The following FGF14 variants were observed in gnomAD, a reference collection of about 807,000 sequenced individuals.
The protein encoded by FGF14 is fibroblast growth factor 14.
A neutral mutation model predicts 25.5 loss-of-function variants in FGF14; 5 were observed. The observed-to-expected ratio is 0.20, with a 90% CI of 0.10 to 0.41. The LOEUF is 0.41. Among genes scored for constraint, FGF14 ranks in the 10% least tolerant of loss-of-function variants. The probability of loss-of-function intolerance (pLI) is 1.00; values close to 1 mark genes in which losing one functional copy is unlikely to be tolerated. For synonymous variants in FGF14, 138 were observed against 118.3 expected, an observed-to-expected ratio of 1.17 and a Z score of -1.08; for missense variants, 222 against 320.1, an observed-to-expected ratio of 0.69 and a Z score of 2.34.
chr13:101,968,647 T>C (rs920913962), intron 1 of FGF14, among the ~76,000 whole-genome samples: 13 of 128,744 alleles, frequency 1.0e-4, no homozygotes, highest in Admixed American at 3.1e-4. Context: ...CAATCCAGCC[T>C]GGGCGACAGA....
intron 1 of FGF14, among the ~76,000 whole-genome samples, chr13:101,958,581 A>T (rs1395012736): frequency 5.9e-5 from 9 of 152,236 alleles, no homozygotes; most frequent in Non-Finnish European, 1.3e-4. Flanking sequence ...TAAAGTCAGA[A>T]GGTATTAATT....
intron 3 of FGF14, among the ~76,000 whole-genome samples, chr13:101,816,324 A>C (rs1478287138): frequency 6.6e-6 from 1 of 151,560 alleles, no homozygotes; most frequent in African/African-American, 2.4e-5. Context: ...TATCAGGGTT[A>C]AATGTATTAT....
chr13:102,322,678 A>G (rs1410200012), intron 1 of FGF14, among the ~76,000 whole-genome samples: 1 of 152,184 alleles, frequency 6.6e-6, no homozygotes, highest in Non-Finnish European at 1.5e-5. Flanking sequence ...GGCAAAAACA[A>G]TGTAAAACAC....
intron 1 of FGF14, among the ~76,000 whole-genome samples, chr13:102,352,280 CACACACACA>C (rs1566955784): frequency 2.7e-5 from 4 of 149,062 alleles, no homozygotes; most frequent in African/African-American, 1.0e-4. Context: ...CACACACACA[CACACACACA>C]CCTGCAACAT....
chr13:102,289,908 T>C (rs574684991), intron 1 of FGF14, among the ~76,000 whole-genome samples: 4 of 152,132 alleles, frequency 2.6e-5, no homozygotes, highest in African/African-American at 9.7e-5. Flanking sequence ...CCTCTCTCTC[T>C]CTCTGCCTTT....
chr13:101,773,932 C>T (rs779507823), intron 3 of FGF14, among the ~76,000 whole-genome samples: 27 of 149,694 alleles, frequency 1.8e-4, no homozygotes, highest in Non-Finnish European at 3.3e-4. Context: ...TAGGATTTTG[C>T]GCTGTGCCAA....
At chr13:102,158,438 T>C (rs1388665357) in intron 1 of FGF14, among the ~76,000 whole-genome samples, 13 of 150,142 alleles carry the variant, frequency 8.7e-5, no homozygotes, top group African/African-American at 2.5e-4. Flanking sequence ...CCAAACACCA[T>C]ATGTTCTCAC....
chr13:102,013,432 T>C (rs2040183896), intron 1 of FGF14, among the ~76,000 whole-genome samples: 2 of 152,224 alleles, frequency 1.3e-5, no homozygotes, highest in African/African-American at 2.4e-5. Flanking sequence ...ATTATCTTCT[T>C]GGAAGAAAAC....
Position 102,015,735 on chromosome 13 carries a change from A to G in FGF14, c.209-140439T>C, listed in dbSNP as rs186753923. The stretch of plus-strand genomic sequence containing the variant: ...CTGTCTCCTTCTGTGCTATTTTTCC[A>G]AAGATCCTAAAGCAGCCTTCCCAAT... On this transcript the variant is annotated intron_variant, in intron 1 of 4. Transcript: ENST00000376131. 7.2e-5 allele frequency among the ~76,000 whole-genome samples: 11 copies of G among 152,234 alleles called. No homozygotes were observed. The East Asian group carries it at 2.1e-3, about 30-fold the overall frequency.
At chr13:102,078,656 G>A (rs899359968) in intron 1 of FGF14, among the ~76,000 whole-genome samples, 1 of 152,108 alleles carries the variant, frequency 6.6e-6, no homozygotes, top group African/African-American at 2.4e-5. Flanking sequence ...CGCTGCAGAG[G>A]GATGGAAGTT....
At chr13:102,281,758 TTCTCCAGATTTCTCATC>T (rs577599047) in intron 1 of FGF14, among the ~76,000 whole-genome samples, 92 of 151,898 alleles carry the variant, frequency 6.1e-4, no homozygotes, top group African/African-American at 2.1e-3. Flanking sequence ...CCAAAAACAT[TTCTCCAGATTTCTCATC>T]TCTCCCAGCT....
chr13:102,081,820 T>C (rs1182745275), intron 1 of FGF14, among the ~76,000 whole-genome samples: 3 of 152,208 alleles, frequency 2.0e-5, no homozygotes, highest in Admixed American at 6.5e-5. Context: ...CAGACGTCTA[T>C]ATTAATTGAG....
chr13:102,185,593 CTT>C (rs1365051163), intron 1 of FGF14, among the ~76,000 whole-genome samples: 2 of 152,102 alleles, frequency 1.3e-5, no homozygotes, highest in African/African-American at 4.8e-5. Context: ...AAATGTATCT[CTT>C]AAAGATCTCC....
chr13:101,813,300 A>C (rs1407475307), intron 3 of FGF14, among the ~76,000 whole-genome samples: 3 of 152,126 alleles, frequency 2.0e-5, no homozygotes, highest in South Asian at 2.1e-4. Context: ...CCAATGTGAT[A>C]GTTTTAAAAG....
chr13:101,753,985 T>C (rs1444100923), intron 3 of FGF14, among the ~76,000 whole-genome samples: 1 of 152,056 alleles, frequency 6.6e-6, no homozygotes, highest in African/African-American at 2.4e-5. Flanking sequence ...CAAAACAAAA[T>C]AGAAAACAAA....
intron 1 of FGF14, among the ~76,000 whole-genome samples, chr13:102,203,477 G>A (rs2049764180): frequency 6.6e-6 from 1 of 152,118 alleles, no homozygotes. Flanking sequence ...CTTTCCCTAG[G>A]ATCCTTTAGT....
At chr13:102,161,223 T>G (rs1404692779) in intron 1 of FGF14, among the ~76,000 whole-genome samples, 1 of 151,762 alleles carries the variant, frequency 6.6e-6, no homozygotes, top group Non-Finnish European at 1.5e-5. Context: ...CAACAAAAAA[T>G]AAATTAAGGA....
intron 1 of FGF14, among the ~76,000 whole-genome samples, chr13:102,384,146 T>G (rs1187364012): frequency 1.3e-5 from 2 of 152,170 alleles, no homozygotes; most frequent in Non-Finnish European, 2.9e-5. Context: ...TTATAATTTT[T>G]TTTTGAGATG....
At chr13:101,803,421 T>C (rs1283658895) in intron 3 of FGF14, among the ~76,000 whole-genome samples, 1 of 152,140 alleles carries the variant, frequency 6.6e-6, no homozygotes, top group Non-Finnish European at 1.5e-5. Flanking sequence ...TAAGCTATCA[T>C]ACCCAGCTGA....
Sources: allele counts gnomAD v4.1 joint callset (sites outside exome capture counted in the v4.1 genomes callset), GRCh38; gene constraint gnomAD v4.1.1; transcripts MANE v1.5; gene names NCBI Gene and HGNC (gene_info 2026-07-23, HGNC 2026-07-21).